Variants in LRPPRC observed in about 807,000 individuals in gnomAD.
LRPPRC encodes leucine-rich PPR motif-containing protein, mitochondrial.
Under a neutral mutation model 180.3 loss-of-function variants are expected in LRPPRC, and 120 were observed. That is an observed-to-expected ratio of 0.67 (90% CI 0.57 to 0.77). LRPPRC has a LOEUF of 0.77. Ranked by LOEUF, LRPPRC falls within the 30% of genes least tolerant of loss-of-function variation. LRPPRC has a pLI of 0.00. For missense variants in LRPPRC, 2,012 were observed against 1,657.2 expected (o/e 1.21, Z -3.72); for synonymous variants, 723 against 600.0 (o/e 1.21, Z -3.00).
At chr2:43,919,414 G>C (rs974586502) in intron 27 of LRPPRC, among the ~76,000 whole-genome samples, 22 of 152,216 alleles carry the variant, frequency 1.4e-4, no homozygotes, top group African/African-American at 4.1e-4. Context: ...TTTTCACTTA[G>C]TTGAATAGAG....
intron 3 of LRPPRC, among the ~76,000 whole-genome samples, chr2:43,977,478 GTATAGT>G (rs1220004431): frequency 8.5e-5 from 13 of 152,248 alleles, no homozygotes; most frequent in African/African-American, 3.1e-4. Flanking sequence ...CTGAGTTACT[GTATAGT>G]TACAAGTAAC....
intron 31 of LRPPRC, among the ~76,000 whole-genome samples, chr2:43,905,008 A>G (rs1671021453): frequency 6.6e-6 from 1 of 152,076 alleles, no homozygotes; most frequent in Non-Finnish European, 1.5e-5. Flanking sequence ...ATCCCCTTCA[A>G]AACTCATAAA....
intron 1 of LRPPRC, among the ~76,000 whole-genome samples, chr2:43,982,797 G>A (rs1674369720): frequency 6.6e-6 from 1 of 152,126 alleles, no homozygotes; most frequent in Non-Finnish European, 1.5e-5. Context: ...ATGCTGCAAA[G>A]CTCTTCTCAT....
chr2:43,977,422 G>A (rs1674108669), intron 3 of LRPPRC, 146 bp from the exon 4 acceptor site: 3 of 646,594 alleles, frequency 4.6e-6, no homozygotes, highest in Non-Finnish European at 8.2e-6. Context: ...TATCTACACA[G>A]ATACTCTGTC....
intron 36 of LRPPRC, among the ~76,000 whole-genome samples, 186 bp from the exon 37 acceptor site, chr2:43,890,062 G>T: frequency 6.6e-6 from 1 of 152,034 alleles, no homozygotes; most frequent in South Asian, 2.1e-4. Context: ...CCCTCATTCG[G>T]CATCACTCAC....
chr2:43,905,685 G>T lies in LRPPRC; in HGVS notation c.3364+7C>A. 2 of 1,603,914 alleles carry T rather than the reference G, an allele frequency of 1.2e-6. No individual in the cohort carries two copies. Among genetic ancestry groups the T allele is most frequent in the South Asian group, 1.1e-5 (1 of 90,876 alleles). On this transcript the variant is annotated splice_region_variant and intron_variant, in intron 31 of 37. Coordinates refer to ENST00000260665, the MANE Select transcript of LRPPRC (RefSeq NM_133259.4). The stretch of plus-strand genomic sequence containing the variant: ...ATGTGACGTAAAGGTCAAGCATTGT[G>T]ACATACCTTTCAAATAATCCCGCCT...
intron 37 of LRPPRC, 69 bp from the exon 38 acceptor site, chr2:43,888,725 T>C: frequency 3.5e-6 from 3 of 857,322 alleles, no homozygotes; most frequent in East Asian, 2.4e-5. Flanking sequence ...ACTTAAAAAA[T>C]CATAAAACAC....
intron 11 of LRPPRC, among the ~76,000 whole-genome samples, chr2:43,972,302 A>G (rs1351988421): frequency 6.6e-6 from 1 of 152,212 alleles, no homozygotes; most frequent in Non-Finnish European, 1.5e-5. Flanking sequence ...GATGGATTTG[A>G]GATAAAGCCC....
At chr2:43,932,931 G>A (rs1672142087) in intron 25 of LRPPRC, among the ~76,000 whole-genome samples, 1 of 152,184 alleles carries the variant, frequency 6.6e-6, no homozygotes, top group Admixed American at 6.5e-5. Flanking sequence ...TCAGAGCTGA[G>A]CTTCATTTCC....
intron 1 of LRPPRC, among the ~76,000 whole-genome samples, chr2:43,990,099 G>A (rs951552474): frequency 6.6e-6 from 1 of 151,906 alleles, no homozygotes; most frequent in African/African-American, 2.4e-5. Flanking sequence ...TGCGCCTGTC[G>A]TCCCAGCTAC....
chr2:43,901,686 C>A, intron 31 of LRPPRC, 162 bp from the exon 32 acceptor site: 3 of 622,220 alleles, frequency 4.8e-6, no homozygotes, highest in Non-Finnish European at 2.8e-6. Flanking sequence ...TCATGAGATA[C>A]CCCCAAAAAT....
chr2:43,927,041 A>G lies in LRPPRC; in HGVS notation c.2737-1080T>C, dbSNP rs80135043. Among the ~76,000 whole-genome samples the G allele has an allele frequency of 9.6e-3, 1,464 of 152,334 alleles. 22 individuals carry two copies. The highest frequency in any genetic ancestry group is 0.033 in the African/African-American group (1,383 of 41,578). On this transcript the variant is annotated intron_variant, in intron 25 of 37. Coordinates refer to ENST00000260665, the MANE Select transcript of LRPPRC (RefSeq NM_133259.4). ...AGTTTACAATTTTGGATACTGGAATAAAAGACAAACCATTTCAACATAATT... is the reference window on the plus strand; with the variant it reads ...AGTTTACAATTTTGGATACTGGAATGAAAGACAAACCATTTCAACATAATT...
intron 16 of LRPPRC, 116 bp downstream of exon 16, chr2:43,949,486 G>C: frequency 1.3e-6 from 1 of 759,014 alleles, no homozygotes; most frequent in Non-Finnish European, 2.3e-6. Flanking sequence ...ATAACCAAAT[G>C]TTTTCAAATT....
At chr2:43,902,312 C>T (rs1670917639) in intron 31 of LRPPRC, 1 of 152,112 alleles carries the variant, frequency 6.6e-6, no homozygotes, top group Non-Finnish European at 1.5e-5. Flanking sequence ...ACTCATAAAA[C>T]TGTAGCAAAA....
At chr2:43,975,830 A>C (rs1162868260) in intron 6 of LRPPRC, among the ~76,000 whole-genome samples, 1 of 151,852 alleles carries the variant, frequency 6.6e-6, no homozygotes, top group Non-Finnish European at 1.5e-5. Flanking sequence ...TGATCTGCCC[A>C]CCTCAGCCTC....
Position 43,925,085 on chromosome 2 carries a change from T to G in LRPPRC, c.2878A>C (p.Asn960His). ...CACTTACTATACAGTTTTAGCAGAT[T>G]GTAGTACATCTGGTCTCTATCACAT... ...FECDRDQMYY[N>H]LLKLYKINGD... The change falls in exon 27 of 38, where the codon AAT (asparagine) becomes CAT (histidine). Residue 960 changes from asparagine (N) to histidine (H), a missense_variant. Asn to His is a moderately conservative substitution (Grantham distance 68, BLOSUM62 1). Transcript: ENST00000260665. 1 of 1,573,882 alleles carries G rather than the reference T, an allele frequency of 6.4e-7. No individual in the cohort carries two copies. The highest frequency in any genetic ancestry group is 8.7e-7 in the Non-Finnish European group (1 of 1,143,380).
At chr2:43,898,000 C>A (rs1572892490) in intron 34 of LRPPRC, among the ~76,000 whole-genome samples, 1 of 138,706 alleles carries the variant, frequency 7.2e-6, no homozygotes, top group African/African-American at 2.7e-5. Context: ...TTTTTCACCA[C>A]GTAAGATAGC....
intron 29 of LRPPRC, among the ~76,000 whole-genome samples, chr2:43,914,083 A>G (rs890546159): frequency 2.0e-4 from 30 of 152,320 alleles, no homozygotes; most frequent in African/African-American, 6.3e-4. Flanking sequence ...TCAATACCCA[A>G]TGCTTTTTAG....
intron 1 of LRPPRC, among the ~76,000 whole-genome samples, chr2:43,995,278 G>A (rs1321105604): frequency 6.6e-6 from 1 of 152,190 alleles, no homozygotes; most frequent in Admixed American, 6.5e-5. Flanking sequence ...GCAGGCAAAA[G>A]CCCAAAGTGA....
Sources: allele counts gnomAD v4.1 joint callset (sites outside exome capture counted in the v4.1 genomes callset), GRCh38; gene constraint gnomAD v4.1.1; transcripts MANE v1.5; gene names NCBI Gene and HGNC (gene_info 2026-07-23, HGNC 2026-07-21).